Variants in ANO3 observed in about 807,000 individuals in gnomAD.
ANO3 encodes the protein anoctamin 3.
A neutral mutation model predicts 144.8 loss-of-function variants in ANO3; 99 were observed. That is an observed-to-expected ratio of 0.68 (90% CI 0.58 to 0.81). ANO3 has a LOEUF of 0.81. ANO3 is among the 30% of genes least tolerant of loss of function. ANO3 has a pLI of 0.00. For missense variants in ANO3, 905 were observed against 1,202.2 expected (o/e 0.75, Z 3.66); for synonymous variants, 414 against 392.6 (o/e 1.05, Z -0.64).
At chr11:26,659,953 C>T (rs1032633543) in intron 26 of ANO3, among the ~76,000 whole-genome samples, 2 of 151,852 alleles carry the variant, frequency 1.3e-5, no homozygotes, top group Non-Finnish European at 1.5e-5. Context: ...CAATTCATGT[C>T]GTAATAATAT....
chr11:26,537,371 C>T, intron 9 of ANO3, 35 bp from the exon 10 acceptor site: 1 of 1,529,512 alleles, frequency 6.5e-7, no homozygotes, highest in Non-Finnish European at 9.1e-7. Context: ...TTCATTGAAA[C>T]TAACTCAATA....
At chr11:26,200,582 A>G (rs1278211224) in intron 1 of ANO3, among the ~76,000 whole-genome samples, 1 of 152,142 alleles carries the variant, frequency 6.6e-6, no homozygotes, top group Non-Finnish European at 1.5e-5. Context: ...TATGTGTACT[A>G]TTTTAACTGA....
chr11:26,643,446 T>G lies in ANO3; in HGVS notation c.2428+112T>G, dbSNP rs922510888. 1.2e-5 allele frequency: 16 copies of G among 1,327,270 alleles called. No individual in the cohort carries two copies. In the African/African-American group the frequency reaches 1.9e-4, roughly 16 times the overall value. The allele number at this position is 1,327,270 out of a possible 1,614,324, so 82.2% of individuals were successfully genotyped here. On this transcript the variant is annotated intron_variant, in intron 23 of 26. Coordinates refer to ENST00000256737, the MANE Select transcript of ANO3 (RefSeq NM_031418.4). Reference sequence around the variant, plus strand: ...AACTTAATTGCCAGTGTCATAGTATTAAGAGGCCTTTAAGAAGTGATTAAG... The same window carrying G: ...AACTTAATTGCCAGTGTCATAGTATGAAGAGGCCTTTAAGAAGTGATTAAG...
At chr11:26,431,977 A>G (rs1289612952) in intron 1 of ANO3, among the ~76,000 whole-genome samples, 1 of 152,094 alleles carries the variant, frequency 6.6e-6, no homozygotes, top group Non-Finnish European at 1.5e-5. Flanking sequence ...TTGAGGAATC[A>G]CCAAACTGCT....
chr11:26,573,473 C>A (rs905006795), intron 14 of ANO3, among the ~76,000 whole-genome samples: 1 of 152,076 alleles, frequency 6.6e-6, no homozygotes, highest in East Asian at 1.9e-4. Flanking sequence ...AGGTAAAAAT[C>A]CAACTAAATA....
At chr11:26,244,010 A>C (rs1173456598) in intron 1 of ANO3, among the ~76,000 whole-genome samples, 2 of 151,798 alleles carry the variant, frequency 1.3e-5, no homozygotes, top group Non-Finnish European at 2.9e-5. Flanking sequence ...CCAGCTACTC[A>C]ACAGGCTGAG....
chr11:26,624,845 A>G (rs1234290540), intron 18 of ANO3, among the ~76,000 whole-genome samples: 1 of 152,226 alleles, frequency 6.6e-6, no homozygotes, highest in Admixed American at 6.5e-5. Context: ...AACAATATTA[A>G]GAGATTTACA....
chr11:26,490,349 G>C (rs779300906), intron 4 of ANO3, among the ~76,000 whole-genome samples: 5 of 152,140 alleles, frequency 3.3e-5, no homozygotes, highest in Non-Finnish European at 7.3e-5. Flanking sequence ...GTTTTGGTGT[G>C]TCTTTATCAG....
Position 26,234,003 on chromosome 11 carries a change from G to GAAAACCTAGAAGACA in ANO3, c.154+44683_154+44684insAGACAAAAACCTAGA, listed in dbSNP as rs1335308751. Among the ~76,000 whole-genome samples the GAAAACCTAGAAGACA allele has an allele frequency of 2.6e-5, 4 of 151,962 alleles. No homozygotes were observed. The South Asian group carries it at 8.3e-4, about 32-fold the overall frequency. ...AAATGCCTAATGTATGCGGGGGGCT[G>GAAAACCTAGAAGACA]AAAACCTAGATGACAGGTTGATAGG... On this transcript the variant is annotated intron_variant, in intron 1 of 27. Transcript: ENST00000672621.
chr11:26,561,978 G>C (rs761471256), intron 14 of ANO3, among the ~76,000 whole-genome samples: 7 of 151,754 alleles, frequency 4.6e-5, no homozygotes, highest in Non-Finnish European at 7.4e-5. Context: ...TACAAATTGG[G>C]CTCCCAGGAA....
chr11:26,512,797 T>C (rs1037311214), intron 5 of ANO3, among the ~76,000 whole-genome samples: 40 of 152,184 alleles, frequency 2.6e-4, no homozygotes, highest in African/African-American at 9.4e-4. Context: ...CTAGGCAAGC[T>C]GTTCATGATG....
chr11:26,550,231 AATTTATATTTAATT>A, intron 12 of ANO3, among the ~76,000 whole-genome samples: 1 of 151,844 alleles, frequency 6.6e-6, no homozygotes, highest in South Asian at 2.1e-4. Context: ...ATGTTTTATT[AATTTATATTTAATT>A]ATCAATTGAT....
At chr11:26,478,178 G>A (rs1436387767) in intron 4 of ANO3, among the ~76,000 whole-genome samples, 1 of 152,084 alleles carries the variant, frequency 6.6e-6, no homozygotes, top group Non-Finnish European at 1.5e-5. Context: ...GTGATTCCCT[G>A]GGCCAGCAGA....
intron 1 of ANO3, among the ~76,000 whole-genome samples, chr11:26,298,912 A>G (rs1254246623): frequency 6.6e-6 from 1 of 152,202 alleles, no homozygotes; most frequent in African/African-American, 2.4e-5. Flanking sequence ...GATCAGAGAG[A>G]TCATTTGGGA....
chr11:26,270,110 A>G (rs1853408665), intron 1 of ANO3, among the ~76,000 whole-genome samples: 1 of 152,160 alleles, frequency 6.6e-6, no homozygotes, highest in East Asian at 1.9e-4. Flanking sequence ...TATTGTAAAT[A>G]TTTTTAAGAT....
intron 1 of ANO3, among the ~76,000 whole-genome samples, chr11:26,422,232 G>A (rs1229274512): frequency 6.6e-6 from 1 of 151,950 alleles, no homozygotes; most frequent in Admixed American, 6.6e-5. Flanking sequence ...ACTTTACACT[G>A]AGAACAATCA....
At chr11:26,352,404 AGGGTC>A (rs2133914172) in intron 1 of ANO3, among the ~76,000 whole-genome samples, 1 of 152,238 alleles carries the variant, frequency 6.6e-6, no homozygotes, top group Non-Finnish European at 1.5e-5. Flanking sequence ...TTTATTTTGT[AGGGTC>A]TAGATTCTGG....
intron 4 of ANO3, among the ~76,000 whole-genome samples, chr11:26,484,085 A>G (rs1288617235): frequency 6.6e-6 from 1 of 152,206 alleles, no homozygotes; most frequent in Non-Finnish European, 1.5e-5. Context: ...GTAGCAAAAC[A>G]TTCAAGATGT....
intron 1 of ANO3, among the ~76,000 whole-genome samples, chr11:26,378,398 TTATC>T (rs977201619): frequency 2.7e-4 from 34 of 125,174 alleles, no homozygotes; most frequent in African/African-American, 8.5e-4. Context: ...AATCTATATA[TTATC>T]TATCTATATA....
Sources: allele counts gnomAD v4.1 joint callset (sites outside exome capture counted in the v4.1 genomes callset), GRCh38; gene constraint gnomAD v4.1.1; transcripts MANE v1.5; gene names NCBI Gene and HGNC (gene_info 2026-07-23, HGNC 2026-07-21).